Variants in ZFP42 observed in about 807,000 individuals in gnomAD.
ZFP42 encodes the protein ZFP42 zinc finger protein, also known as zinc finger protein 42 homolog.
For missense variants in ZFP42, 438 were observed against 377.1 expected (o/e 1.16, Z -1.34); for synonymous variants, 175 against 144.6 (o/e 1.21, Z -1.51).
chr4:187,997,228 CTT>C lies in ZFP42; in HGVS notation c.-339+1409_-339+1410del, dbSNP rs71595201. 7.3e-3 allele frequency among the ~76,000 whole-genome samples: 436 copies of C among 60,006 alleles called. 4 individuals are homozygous for C. Among genetic ancestry groups the C allele is most frequent in the Admixed American group, 8.5e-3 (34 of 4,010 alleles). 39.4% of individuals were successfully genotyped at this position (60,006 alleles called of 152,430 possible). A position where few individuals can be genotyped will look rare whatever the true frequency, so the allele number is the denominator to read the frequency against. On this transcript the variant is annotated intron_variant, in intron 1 of 3. Transcript: ENST00000326866. ...CCTCGGTTACTTCCCCTCTCATATT[CTT>C]TTTTTTTTTTTTTTTTTTTTGAGAC...
chr4:188,003,581 G>C lies in ZFP42; in HGVS notation c.774G>C (p.Leu258=), dbSNP rs113438441. 6.2e-7 allele frequency: 1 copy of C among 1,613,406 alleles called. No individual in the cohort carries two copies. ...AAGGGTGCGGAAAGCGCTTCTCTCT[G>C]GACTTTAATTTGCGTACGCACGTGC... ...TFEGCGKRFS[L]DFNLRTHVRI... The change falls in exon 4 of 4, where the codon CTG becomes CTC. Residue 258 remains leucine (L), a synonymous_variant. Transcript: ENST00000326866.
Position 188,003,778 on chromosome 4 carries a change from T to G in ZFP42, c.*38T>G. Reference sequence around the variant, plus strand: ...ATGAAGCAGATTAACAGAAGAGTGATCAGTGACAAACATGCCTCATTGATT... The same window carrying G: ...ATGAAGCAGATTAACAGAAGAGTGAGCAGTGACAAACATGCCTCATTGATT... On this transcript the variant is annotated 3_prime_UTR_variant, in exon 4 of 4. Coordinates refer to ENST00000326866, the MANE Select transcript of ZFP42 (RefSeq NM_174900.5). 6.4e-7 allele frequency: 1 copy of G among 1,556,296 alleles called. No homozygotes were observed. The highest frequency in any genetic ancestry group is 1.2e-5 in the South Asian group (1 of 83,614).
intron 1 of ZFP42, among the ~76,000 whole-genome samples, chr4:187,998,015 A>G (rs1733668301): frequency 2.0e-5 from 3 of 152,232 alleles, no homozygotes; most frequent in Non-Finnish European, 4.4e-5. Flanking sequence ...CAAAAGAGTC[A>G]GGAAGTTTGC....
chr4:187,997,228 CTTTT>C lies in ZFP42; in HGVS notation c.-339+1407_-339+1410del, dbSNP rs71595201. Among the ~76,000 whole-genome samples, 30 of 60,022 alleles carry C rather than the reference CTTTT, an allele frequency of 5.0e-4. 2 individuals carry two copies. Among genetic ancestry groups the C allele is most frequent in the African/African-American group, 1.6e-3 (21 of 12,744 alleles). The allele number at this position is 60,022 out of a possible 152,430, so 39.4% of individuals were successfully genotyped here. A position where few individuals can be genotyped will look rare whatever the true frequency, so the allele number is the denominator to read the frequency against. ...CCTCGGTTACTTCCCCTCTCATATT[CTTTT>C]TTTTTTTTTTTTTTTTTTGAGACAG... On this transcript the variant is annotated intron_variant, in intron 1 of 3. Transcript: ENST00000326866.
At position 188,002,814 on chromosome 4, in the gene ZFP42, C is replaced by T. The variant is rs1264853185; in HGVS notation, c.7C>T (p.Gln3Ter). MS[Q>*]QLKKRAKTRH... ...AGGGCACAGGCAGGAAAACATGAGC[C>T]AGCAACTGAAGAAACGGGCAAAGAC... is the stretch of plus-strand genomic sequence containing the variant. The change falls in exon 4 of 4, where the codon CAG becomes TAG. Residue 3 changes from glutamine (Q) to a stop codon, truncating the protein, a stop_gained. Coordinates refer to ENST00000326866, the MANE Select transcript of ZFP42 (RefSeq NM_174900.5). LOFTEE classifies it low-confidence loss of function (END_TRUNC). 2 of 1,613,564 alleles carry T rather than the reference C, an allele frequency of 1.2e-6. No homozygotes were observed. Among genetic ancestry groups the T allele is most frequent in the Middle Eastern group, 1.6e-4 (1 of 6,082 alleles).
rs1733997316 is a variant in ZFP42 at position 188,004,930 on chromosome 4, C to T, written c.*1190C>T. On this transcript the variant is annotated 3_prime_UTR_variant, in exon 4 of 4. Coordinates refer to ENST00000326866, the MANE Select transcript of ZFP42 (RefSeq NM_174900.5). ...TGTATTTCATTGTGATTTTTGTTTTCTTTTTATCATTGTATCAAACTATAT... is the reference window on the plus strand; with the variant it reads ...TGTATTTCATTGTGATTTTTGTTTTTTTTTTATCATTGTATCAAACTATAT... The T allele has an allele frequency of 6.0e-6, 1 of 166,906 alleles. No homozygotes were observed. Among genetic ancestry groups the T allele is most frequent in the African/African-American group, 2.4e-5 (1 of 41,410 alleles). The allele number at this position is 166,906 out of a possible 1,614,324, so 10.3% of individuals were successfully genotyped here.
chr4:188,002,979 C>T lies in ZFP42; in HGVS notation c.172C>T (p.Pro58Ser), dbSNP rs1218881033. 6.2e-7 allele frequency: 1 copy of T among 1,614,112 alleles called. No homozygotes were observed. The highest frequency in any genetic ancestry group is 1.7e-5 in the Admixed American group (1 of 60,018). Residue 58 changes from proline (P) to serine (S), a missense_variant, in exon 4 of 4, where the codon CCT (proline) becomes TCT (serine). Transcript: ENST00000326866. ...ATGTGATGGCTATGTGTGCTATGAG[C>T]CTGGCCCTCAGGCTCTCGGAGGGGA... is the stretch of plus-strand genomic sequence containing the variant. ...ALCDGYVCYE[P>S]GPQALGGDDF...
chr4:188,003,000 G>A lies in ZFP42; in HGVS notation c.193G>A (p.Gly65Arg). 1.2e-6 allele frequency: 2 copies of A among 1,614,186 alleles called. No individual in the cohort carries two copies. Among genetic ancestry groups the A allele is most frequent in the Non-Finnish European group, 1.7e-6 (2 of 1,180,038 alleles). ...TGAGCCTGGCCCTCAGGCTCTCGGA[G>A]GGGATGATTTCTCAGACTGTTACAT... is the stretch of plus-strand genomic sequence containing the variant. The part of the protein sequence containing the change: ...CYEPGPQALG[G>R]DDFSDCYIEC... Residue 65 changes from glycine to arginine, a missense_variant, in exon 4 of 4, where the codon GGG becomes AGG. Coordinates refer to ENST00000326866, the MANE Select transcript of ZFP42 (RefSeq NM_174900.5).
intron 1 of ZFP42, among the ~76,000 whole-genome samples, chr4:187,997,158 C>G (rs145047399): frequency 6.6e-6 from 1 of 151,822 alleles, no homozygotes; most frequent in African/African-American, 2.4e-5. Context: ...TCCGATGGCC[C>G]CCTCCTTGGG....
intron 1 of ZFP42, among the ~76,000 whole-genome samples, chr4:187,996,321 C>CT (rs1003493039): frequency 3.7e-4 from 56 of 149,850 alleles, no homozygotes; most frequent in African/African-American, 7.7e-4. Flanking sequence ...TTTCTTTTTT[C>CT]TTTTTTTTTG....
At position 188,002,875 on chromosome 4, in the gene ZFP42, G is replaced by C. The variant is rs771873545; in HGVS notation, c.68G>C (p.Ser23Thr). The C allele has an allele frequency of 4.3e-6, 7 of 1,614,230 alleles. No homozygotes were observed. The East Asian group carries it at 1.1e-4, about 26-fold the overall frequency. ...HQKGLGGRAP[S>T]GAKPRQGKSS... ...AAAGGCCTGGGTGGAAGAGCCCCCA[G>C]TGGGGCTAAGCCCAGGCAAGGCAAG... The change falls in exon 4 of 4, where the codon AGT (serine) becomes ACT (threonine). Residue 23 changes from serine (S) to threonine (T), a missense_variant. Transcript: ENST00000326866.
chr4:187,996,565 C>T (rs902692156), intron 1 of ZFP42, among the ~76,000 whole-genome samples: 2 of 152,126 alleles, frequency 1.3e-5, no homozygotes, highest in East Asian at 3.9e-4. Flanking sequence ...CCGCCTCAGC[C>T]TCCCAAAGTG....
At chr4:188,002,223 G>A (rs545513072) in intron 3 of ZFP42, among the ~76,000 whole-genome samples, 2 of 152,068 alleles carry the variant, frequency 1.3e-5, no homozygotes, top group Admixed American at 1.3e-4. Flanking sequence ...CTCCCTCACC[G>A]CCTTCAGGCT....
chr4:187,999,614 T>G lies in ZFP42; in HGVS notation c.-167T>G, dbSNP rs1209019379. 1.3e-5 allele frequency: 2 copies of G among 152,244 alleles called. No individual in the cohort carries two copies. Among genetic ancestry groups the G allele is most frequent in the African/African-American group, 4.8e-5 (2 of 41,450 alleles). The allele number at this position is 152,244 out of a possible 1,614,324, so 9.4% of individuals were successfully genotyped here. On this transcript the variant is annotated 5_prime_UTR_variant, in exon 3 of 4. It removes an upstream start codon present in the reference 5' UTR. Coordinates refer to ENST00000326866, the MANE Select transcript of ZFP42 (RefSeq NM_174900.5). ...TCATGATTTCATCTCACTAGACAAA[T>G]GTACTGAGGCTGGAGCCTGTGTGAA...
Position 188,000,129 on chromosome 4 carries a change from G to A in ZFP42, c.-96+444G>A, listed in dbSNP as rs560941056. Among the ~76,000 whole-genome samples, 19 of 152,242 alleles carry A rather than the reference G, an allele frequency of 1.2e-4. No homozygotes were observed. In the East Asian group the frequency reaches 3.3e-3, roughly 26 times the overall value. On this transcript the variant is annotated intron_variant, in intron 3 of 3. Transcript: ENST00000326866. ...GCAAAATACCCAATATGAGCATCCC[G>A]AGTCCGAAAATTCAAAATCCAAAAT... is the stretch of plus-strand genomic sequence containing the variant.
At chr4:187,999,380 C>T (rs1733723487) in intron 2 of ZFP42, 107 bp downstream of exon 2, 1 of 152,226 alleles carries the variant, frequency 6.6e-6, no homozygotes, top group African/African-American at 2.4e-5. Flanking sequence ...GATCCACCCA[C>T]CTCAGCCTCC....
rs373433933 is a variant in ZFP42 at position 188,003,707 on chromosome 4, A to G, written c.900A>G (p.Ala300=). 6.2e-7 allele frequency: 1 copy of G among 1,613,044 alleles called. No homozygotes were observed. The highest frequency in any genetic ancestry group is 2.2e-5 in the East Asian group (1 of 44,850). The change falls in exon 4 of 4, where the codon GCA becomes GCG. Residue 300 remains alanine (A), a synonymous_variant. Transcript: ENST00000326866. The part of the protein sequence containing the change: ...NNLKAHILTH[A]NTNKNEQEGK ...TGAAAGCCCACATCCTAACGCATGCAAATACGAACAAGAATGAACAAGAGG... is the reference window on the plus strand; with the variant it reads ...TGAAAGCCCACATCCTAACGCATGCGAATACGAACAAGAATGAACAAGAGG...
intron 1 of ZFP42, among the ~76,000 whole-genome samples, chr4:187,997,250 T>TTTTTTTTTTTTTTTTA (rs1733634146): frequency 7.0e-6 from 1 of 141,862 alleles, no homozygotes; most frequent in Non-Finnish European, 1.5e-5. Flanking sequence ...TTTTTTTTTT[T>TTTTTTTTTTTTTTTTA]GAGACAGAGT....
chr4:187,996,701 C>T (rs1369495969), intron 1 of ZFP42, among the ~76,000 whole-genome samples: 1 of 152,128 alleles, frequency 6.6e-6, no homozygotes, highest in Non-Finnish European at 1.5e-5. Context: ...TCCTGTTTTC[C>T]CGCTCTCCCT....
Sources: allele counts gnomAD v4.1 joint callset (sites outside exome capture counted in the v4.1 genomes callset), GRCh38; gene constraint gnomAD v4.1.1; transcripts MANE v1.5; gene names NCBI Gene and HGNC (gene_info 2026-07-23, HGNC 2026-07-21).